Variants in LRP1B observed in about 807,000 individuals in gnomAD.
LRP1B encodes low-density lipoprotein receptor-related protein 1B.
Under a neutral mutation model 556.6 loss-of-function variants are expected in LRP1B, and 217 were observed. That is an observed-to-expected ratio of 0.39 (90% CI 0.35 to 0.44). The LOEUF (loss-of-function observed/expected upper bound fraction) is 0.44, where lower values mean the gene tolerates loss of function less well. Ranked by LOEUF, LRP1B falls within the 20% of genes least tolerant of loss-of-function variation. The pLI is 1.00. For synonymous variants in LRP1B, 2,047 were observed against 1,865.8 expected, an observed-to-expected ratio of 1.10 and a Z score of -2.50; for missense variants, 5,053 against 5,620.8, an observed-to-expected ratio of 0.90 and a Z score of 3.23.
chr2:140,255,440 G>A (rs1681630575), intron 86 of LRP1B, among the ~76,000 whole-genome samples: 1 of 152,078 alleles, frequency 6.6e-6, no homozygotes, highest in South Asian at 2.1e-4. Flanking sequence ...TTTGATCACT[G>A]TACAACACAA....
chr2:140,940,821 T>C (rs1695378418), intron 20 of LRP1B, among the ~76,000 whole-genome samples: 1 of 152,124 alleles, frequency 6.6e-6, no homozygotes, highest in Admixed American at 6.6e-5. Context: ...GTATTTCTGG[T>C]TCTAGGTCTT....
chr2:140,541,206 T>A, intron 44 of LRP1B, 108 bp from the exon 45 acceptor site: 1 of 943,074 alleles, frequency 1.1e-6, no homozygotes, highest in Non-Finnish European at 1.6e-6. Context: ...CAATAATATG[T>A]CATTAAAAAG....
At chr2:140,719,303 T>A (rs574468337) in intron 35 of LRP1B, among the ~76,000 whole-genome samples, 1 of 151,880 alleles carries the variant, frequency 6.6e-6, no homozygotes, top group East Asian at 1.9e-4. Context: ...GGTATACACA[T>A]GAAGAAATGG....
At chr2:142,069,429 T>C (rs1455212375) in intron 1 of LRP1B, among the ~76,000 whole-genome samples, 2 of 151,508 alleles carry the variant, frequency 1.3e-5, no homozygotes, top group Non-Finnish European at 3.0e-5. Flanking sequence ...AGGAAGACCT[T>C]TGAATGATGA....
chr2:140,594,705 C>A (rs573633294), intron 43 of LRP1B, among the ~76,000 whole-genome samples: 86 of 152,226 alleles, frequency 5.6e-4, no homozygotes, highest in Middle Eastern at 3.4e-3. Flanking sequence ...ATCTGATTTC[C>A]CTACTCTTGA....
At chr2:141,068,604 A>G (rs78878039) in intron 7 of LRP1B, among the ~76,000 whole-genome samples, 2 of 150,788 alleles carry the variant, frequency 1.3e-5, no homozygotes, top group Non-Finnish European at 2.9e-5. Context: ...CATTTTGAAC[A>G]TGCCTAGTGC....
At chr2:141,798,877 G>A (rs35424720) in intron 2 of LRP1B, among the ~76,000 whole-genome samples, 42,877 of 151,598 alleles carry the variant, frequency 0.28, 6,355 homozygotes, top group East Asian at 0.5. Flanking sequence ...AAGGTAAAAT[G>A]AGGTTTTATG....
intron 32 of LRP1B, among the ~76,000 whole-genome samples, chr2:140,808,630 G>A (rs191674128): frequency 9.9e-5 from 15 of 152,160 alleles, no homozygotes; most frequent in African/African-American, 3.6e-4. Flanking sequence ...TGTCTTCCAT[G>A]TTACTATGCA....
rs1220644581 is a variant in LRP1B at position 140,583,162 on chromosome 2, C to CTTTTT, written c.7194+15464_7194+15468dup. On this transcript the variant is annotated intron_variant, in intron 43 of 90. Transcript: ENST00000389484. ...TGAAAGTTTCTATTGACAGTTTCTCCTTTTTTTTCTTTTTTTTTTTTTTTT... is the reference window on the plus strand; with the variant it reads ...TGAAAGTTTCTATTGACAGTTTCTCCTTTTTTTTTTTTTCTTTTTTTTTTTTTTTT... Among the ~76,000 whole-genome samples the CTTTTT allele has an allele frequency of 6.1e-4, 66 of 107,784 alleles. 2 individuals are homozygous for CTTTTT. The highest frequency in any genetic ancestry group is 1.9e-3 in the African/African-American group (47 of 24,676). 70.7% of individuals were successfully genotyped at this position (107,784 alleles called of 152,430 possible).
chr2:141,076,433 T>C (rs548318007), intron 7 of LRP1B, among the ~76,000 whole-genome samples: 3 of 152,302 alleles, frequency 2.0e-5, no homozygotes, highest in African/African-American at 4.8e-5. Flanking sequence ...TGCTCTAAAA[T>C]AGTGATTCTT....
chr2:141,183,643 T>C (rs945660559), intron 7 of LRP1B, among the ~76,000 whole-genome samples: 2 of 152,008 alleles, frequency 1.3e-5, no homozygotes, highest in Admixed American at 6.6e-5. Context: ...CTATTCACTG[T>C]CTGCAAGTCA....
intron 1 of LRP1B, among the ~76,000 whole-genome samples, chr2:141,965,573 A>C (rs1454883282): frequency 8.1e-5 from 8 of 98,934 alleles, no homozygotes; most frequent in African/African-American, 3.1e-4. Flanking sequence ...AGGAAGGGGA[A>C]TATCACACTC....
chr2:141,759,086 G>A (rs1284541619), intron 2 of LRP1B, among the ~76,000 whole-genome samples: 2 of 151,974 alleles, frequency 1.3e-5, no homozygotes, highest in Admixed American at 1.3e-4. Context: ...TCTAAAAAAT[G>A]ACAAAAAATA....
chr2:141,424,917 TTTA>T (rs988100005), intron 3 of LRP1B, among the ~76,000 whole-genome samples: 4 of 152,014 alleles, frequency 2.6e-5, no homozygotes, highest in Non-Finnish European at 4.4e-5. Flanking sequence ...CTGATTTTTC[TTTA>T]TTATTATTAT....
chr2:141,105,927 A>AG (rs1299728813), intron 7 of LRP1B, among the ~76,000 whole-genome samples: 1 of 152,152 alleles, frequency 6.6e-6, no homozygotes, highest in African/African-American at 2.4e-5. Flanking sequence ...TTAAAAAAAA[A>AG]GCTGGTCACC....
chr2:141,062,965 A>T (rs189452822), intron 7 of LRP1B, among the ~76,000 whole-genome samples: 3 of 152,026 alleles, frequency 2.0e-5, no homozygotes, highest in East Asian at 3.9e-4. Context: ...CTGAGACAAC[A>T]AATTCTTTCA....
chr2:141,412,920 C>T (rs1413820976), intron 3 of LRP1B, among the ~76,000 whole-genome samples: 2 of 152,052 alleles, frequency 1.3e-5, no homozygotes, highest in East Asian at 3.9e-4. Context: ...AAAGAAGACT[C>T]TGAACATGTG....
In LRP1B at chr2:142,031,330, A is replaced by ATTT. The variant is rs560363480; in HGVS notation, c.82+99315_82+99317dup. Among the ~76,000 whole-genome samples, 131 of 117,032 alleles carry ATTT rather than the reference A, an allele frequency of 1.1e-3. 8 individuals carry two copies. The highest frequency in any genetic ancestry group is 3.4e-3 in the African/African-American group (116 of 33,942). The allele number at this position is 117,032 out of a possible 152,430, so 76.8% of individuals were successfully genotyped here. Reference sequence around the variant, plus strand: ...ATTTAGAGAAAGGTTGATTATACTTATTTTTTTTTTTTTTTTTTATTATAC... The same window carrying ATTT: ...ATTTAGAGAAAGGTTGATTATACTTATTTTTTTTTTTTTTTTTTTTTATTATAC... On this transcript the variant is annotated intron_variant, in intron 1 of 90. Transcript: ENST00000389484.
intron 2 of LRP1B, among the ~76,000 whole-genome samples, chr2:141,645,601 C>T (rs1689533408): frequency 1.3e-5 from 2 of 149,944 alleles, no homozygotes; most frequent in Admixed American, 1.4e-4. Context: ...CTTTCAGGAA[C>T]CAAACATTTA....
Sources: allele counts gnomAD v4.1 joint callset (sites outside exome capture counted in the v4.1 genomes callset), GRCh38; gene constraint gnomAD v4.1.1; transcripts MANE v1.5; gene names NCBI Gene and HGNC (gene_info 2026-07-23, HGNC 2026-07-21).